Variants in CTNNA3 observed in about 807,000 individuals in gnomAD.
CTNNA3 encodes catenin alpha 3.
In CTNNA3, 76 loss-of-function variants were observed where a neutral mutation model predicts 95.7. The ratio of observed to expected loss-of-function variants is 0.79; its 90% CI spans 0.66 to 0.96. The LOEUF (loss-of-function observed/expected upper bound fraction) is 0.96. Ranked by LOEUF, CTNNA3 falls within the 40% of genes least tolerant of loss-of-function variation. The pLI is 0.00. For synonymous variants in CTNNA3, 431 were observed against 374.4 expected (o/e 1.15, Z -1.74); for missense variants, 1,191 against 1,089.8 (o/e 1.09, Z -1.31).
At chr10:65,948,987 ATTTT>A (rs2077568350) in intron 17 of CTNNA3, among the ~76,000 whole-genome samples, 1 of 152,146 alleles carries the variant, frequency 6.6e-6, no homozygotes, top group South Asian at 2.1e-4. Context: ...GCTTGTTTCT[ATTTT>A]GAGTTTCAAA....
intron 9 of CTNNA3, among the ~76,000 whole-genome samples, chr10:66,720,284 C>T (rs1451645624): frequency 6.7e-6 from 1 of 148,644 alleles, no homozygotes; most frequent in Admixed American, 6.6e-5. Context: ...TGCCTTCCTC[C>T]CTTCCTCCTG....
intron 1 of CTNNA3, among the ~76,000 whole-genome samples, chr10:67,704,553 C>T (rs1016966756): frequency 2.4e-4 from 36 of 152,260 alleles, no homozygotes; most frequent in Middle Eastern, 3.4e-3. Flanking sequence ...ATAAACGGTG[C>T]TGGGAAAACT....
At chr10:66,212,075 T>C (rs1395577269) in intron 13 of CTNNA3, among the ~76,000 whole-genome samples, 1 of 145,024 alleles carries the variant, frequency 6.9e-6, no homozygotes, top group Admixed American at 7.1e-5. Context: ...TTGCAACCTC[T>C]GCATCCCAAG....
At chr10:66,094,968 A>T (rs983888142) in intron 14 of CTNNA3, among the ~76,000 whole-genome samples, 9 of 152,288 alleles carry the variant, frequency 5.9e-5, no homozygotes, top group African/African-American at 2.2e-4. Flanking sequence ...CTGAATGTAC[A>T]GAGGTGCCTT....
intron 5 of CTNNA3, among the ~76,000 whole-genome samples, chr10:67,449,345 A>G (rs1358462123): frequency 6.6e-6 from 1 of 152,158 alleles, no homozygotes; most frequent in Non-Finnish European, 1.5e-5. Flanking sequence ...TAAAATTCAT[A>G]TGGAACCAAA....
At chr10:67,713,785 G>A (rs1841126467) in intron 1 of CTNNA3, among the ~76,000 whole-genome samples, 1 of 152,216 alleles carries the variant, frequency 6.6e-6, no homozygotes, top group Non-Finnish European at 1.5e-5. Context: ...GTGCCTGTCG[G>A]GGGATGGGAG....
intron 15 of CTNNA3, among the ~76,000 whole-genome samples, chr10:66,043,151 A>G (rs927120999): frequency 1.4e-5 from 2 of 144,126 alleles, no homozygotes; most frequent in Non-Finnish European, 3.0e-5. Context: ...AAAAAAAAAA[A>G]AAAGAGAGAG....
intron 9 of CTNNA3, among the ~76,000 whole-genome samples, chr10:66,702,757 A>AGTAGTC (rs1847994408): frequency 7.0e-6 from 1 of 143,650 alleles, no homozygotes; most frequent in Admixed American, 7.0e-5. Flanking sequence ...TAGTAGTAGT[A>AGTAGTC]GTAGTAGCCA....
At position 65,950,851 on chromosome 10, in the gene CTNNA3, A is replaced by G. The variant is rs1311248130; in HGVS notation, c.2400+15761T>C. On this transcript the variant is annotated intron_variant, in intron 17 of 17. Coordinates refer to ENST00000433211, the MANE Select transcript of CTNNA3 (RefSeq NM_013266.4). ...TCACATCACATCTATACTTTTTTTT[A>G]TCTCCCCCCTTCATTTCTTTCCTTC... 2.0e-5 allele frequency among the ~76,000 whole-genome samples: 3 copies of G among 151,740 alleles called. No individual in the cohort carries two copies. The East Asian group carries it at 5.8e-4, about 29-fold the overall frequency.
intron 12 of CTNNA3, among the ~76,000 whole-genome samples, chr10:66,299,732 A>G (rs1301697790): frequency 6.6e-6 from 1 of 152,208 alleles, no homozygotes; most frequent in East Asian, 1.9e-4. Context: ...ACAGGAATGG[A>G]AAACAAAAAG....
chr10:67,036,098 T>C (rs1412206692), intron 7 of CTNNA3, among the ~76,000 whole-genome samples: 1 of 152,172 alleles, frequency 6.6e-6, no homozygotes, highest in Non-Finnish European at 1.5e-5. Flanking sequence ...TATTAGACCT[T>C]AGTAGAGATA....
intron 7 of CTNNA3, among the ~76,000 whole-genome samples, chr10:66,866,609 G>A (rs138763825): frequency 1.3e-5 from 2 of 152,254 alleles, no homozygotes; most frequent in African/African-American, 4.8e-5. Context: ...AATATAAAAT[G>A]TGTTATGTAC....
chr10:67,074,441 C>T (rs550603644), intron 7 of CTNNA3, among the ~76,000 whole-genome samples: 105 of 148,872 alleles, frequency 7.1e-4, no homozygotes, highest in African/African-American at 2.6e-3. Flanking sequence ...AGCTCCACCT[C>T]CCGGGTTCAC....
chr10:66,911,971 T>C (rs1029336461), intron 7 of CTNNA3, among the ~76,000 whole-genome samples: 1 of 152,190 alleles, frequency 6.6e-6, no homozygotes, highest in Non-Finnish European at 1.5e-5. Flanking sequence ...AACACAATGA[T>C]TGAAAATTGA....
intron 12 of CTNNA3, among the ~76,000 whole-genome samples, chr10:66,301,124 C>T: frequency 6.6e-6 from 1 of 151,948 alleles, no homozygotes; most frequent in Non-Finnish European, 1.5e-5. Flanking sequence ...AACTCATATA[C>T]ACAGACATAG....
intron 5 of CTNNA3, among the ~76,000 whole-genome samples, chr10:67,506,975 G>A (rs923198825): frequency 6.6e-6 from 1 of 152,056 alleles, no homozygotes; most frequent in Non-Finnish European, 1.5e-5. Context: ...CTGTACCTTA[G>A]TCTCAGCTGT....
At chr10:66,183,437 C>T (rs918422853) in intron 13 of CTNNA3, among the ~76,000 whole-genome samples, 1 of 152,110 alleles carries the variant, frequency 6.6e-6, no homozygotes, top group Non-Finnish European at 1.5e-5. Context: ...CATTTGGAGC[C>T]TTGTTTTTAC....
At chr10:66,772,477 G>A (rs1411205065) in intron 8 of CTNNA3, among the ~76,000 whole-genome samples, 1 of 150,996 alleles carries the variant, frequency 6.6e-6, no homozygotes, top group East Asian at 1.9e-4. Context: ...TTAATGTGTT[G>A]GTGTGATGAG....
In CTNNA3 at chr10:66,196,840, G is replaced by T. The variant is rs190462099; in HGVS notation, c.1884+83630C>A. ...ACACACAGAAGTGTTAGAATCTGAG[G>T]TAGATTCAGCTGCAGTGGTGACACC... On this transcript the variant is annotated intron_variant, in intron 13 of 17. Transcript: ENST00000433211. 5.9e-5 allele frequency among the ~76,000 whole-genome samples: 9 copies of T among 152,288 alleles called. No homozygotes were observed. The East Asian group carries it at 1.7e-3, about 29-fold the overall frequency.
Sources: allele counts gnomAD v4.1 joint callset (sites outside exome capture counted in the v4.1 genomes callset), GRCh38; gene constraint gnomAD v4.1.1; transcripts MANE v1.5; gene names NCBI Gene and HGNC (gene_info 2026-07-23, HGNC 2026-07-21).